Variants in ZNF341 observed in about 807,000 individuals in gnomAD.
ZNF341 encodes zinc finger protein 341.
ZNF341 carries 52 observed loss-of-function variants against 87.7 expected under a neutral mutation model. The ratio of observed to expected loss-of-function variants is 0.59; its 90% CI spans 0.47 to 0.75. The LOEUF is 0.75. Among genes scored for constraint, ZNF341 ranks in the 30% least tolerant of loss-of-function variants. ZNF341 has a pLI of 0.00. For synonymous variants in ZNF341, 459 were observed against 472.7 expected (o/e 0.97, Z 0.38); for missense variants, 977 against 1,145.9 (o/e 0.85, Z 2.13).
chr20:33,753,096 G>T (rs866200533), intron 4 of ZNF341, 76 bp from the exon 5 acceptor site: 3 of 1,599,178 alleles, frequency 1.9e-6, no homozygotes, highest in Middle Eastern at 2.3e-4. Flanking sequence ...GCTGGCTAAA[G>T]CAAATGTCCT....
At chr20:33,784,455 C>G (rs1450589248) in intron 12 of ZNF341, among the ~76,000 whole-genome samples, 1 of 81,330 alleles carries the variant, frequency 1.2e-5, no homozygotes, top group Non-Finnish European at 2.5e-5. Flanking sequence ...CTCTCTGTCG[C>G]TGTCTGTCTC....
chr20:33,764,101 T>C (rs948623807), intron 8 of ZNF341, among the ~76,000 whole-genome samples: 3 of 148,442 alleles, frequency 2.0e-5, no homozygotes, highest in African/African-American at 7.4e-5. Context: ...CTCAGCTCAC[T>C]GCAAGCTCCG....
In ZNF341 at chr20:33,757,138, GTCC is replaced by G; in HGVS notation, c.742-5_742-3del. On this transcript the variant is annotated splice_polypyrimidine_tract_variant and splice_region_variant and intron_variant, in intron 5 of 14. Coordinates refer to ENST00000375200, the MANE Select transcript of ZNF341 (RefSeq NM_001282933.2). Reference sequence around the variant, plus strand: ...GCAGGGCTTTTTCCCTGACTGTGTTGTCCTCCTAGGTGCCAAACCAGTGTGTGG... The same window carrying G: ...GCAGGGCTTTTTCCCTGACTGTGTTGTCCTAGGTGCCAAACCAGTGTGTGG... The G allele has an allele frequency of 7.2e-7, 1 of 1,395,942 alleles. No individual in the cohort carries two copies. The highest frequency in any genetic ancestry group is 9.4e-7 in the Non-Finnish European group (1 of 1,065,660). The allele number at this position is 1,395,942 out of a possible 1,614,324, so 86.5% of individuals were successfully genotyped here.
At position 33,788,963 on chromosome 20, in the gene ZNF341, A is replaced by C; in HGVS notation, c.1953A>C (p.Lys651Asn). The change falls in exon 13 of 15, where the codon AAA (lysine) becomes AAC (asparagine). Residue 651 changes from lysine (K) to asparagine (N), a missense_variant. Around this residue, in one of 3 missense-constraint regions of ZNF341, gnomAD observed 241 missense variants for 335.0 expected, o/e 0.72. Coordinates refer to ENST00000375200, the MANE Select transcript of ZNF341 (RefSeq NM_001282933.2). ...TCCACGAGCCCTTCAAGAAATACAAATGCCCTTTCTCGTGAGTAGAGACTG... is the reference window on the plus strand; with the variant it reads ...TCCACGAGCCCTTCAAGAAATACAACTGCCCTTTCTCGTGAGTAGAGACTG... ...MLIHEPFKKYKCPFSTHTGCS... is the reference protein window; with the variant it reads ...MLIHEPFKKYNCPFSTHTGCS... 2 of 1,610,574 alleles carry C rather than the reference A, an allele frequency of 1.2e-6. No individual in the cohort carries two copies. Among genetic ancestry groups the C allele is most frequent in the Non-Finnish European group, 1.7e-6 (2 of 1,178,102 alleles).
intron 1 of ZNF341, among the ~76,000 whole-genome samples, chr20:33,737,739 G>A (rs2122628437): frequency 6.6e-6 from 1 of 152,282 alleles, no homozygotes; most frequent in African/African-American, 2.4e-5. Context: ...GTCTGCTTCT[G>A]GGTGGGGCTG....
chr20:33,740,781 T>C, intron 1 of ZNF341, 121 bp from the exon 2 acceptor site: 2 of 769,844 alleles, frequency 2.6e-6, no homozygotes, highest in Non-Finnish European at 4.3e-6. Context: ...GTGCTGGGAT[T>C]ACAGGTCTGA....
rs57345366 is a variant in ZNF341, at chr20:33,772,010, TAA to T, written c.1622+1742_1622+1743del. ...GCCTGAGCGACAGAGACGCTTGTCT[TAA>T]AAAAAAAAAAAAAAAAAAAAAAAGA... On this transcript the variant is annotated intron_variant, in intron 10 of 14. Transcript: ENST00000375200. Among the ~76,000 whole-genome samples, 30 of 56,154 alleles carry T rather than the reference TAA, an allele frequency of 5.3e-4. 1 individual carries two copies. The highest frequency in any genetic ancestry group is 3.1e-3 in the East Asian group (4 of 1,282). 36.8% of individuals were successfully genotyped at this position (56,154 alleles called of 152,430 possible).
intron 7 of ZNF341, among the ~76,000 whole-genome samples, chr20:33,761,139 C>T (rs1042289446): frequency 3.3e-5 from 5 of 151,982 alleles, no homozygotes; most frequent in East Asian, 1.9e-4. Flanking sequence ...GAATTACATA[C>T]GTGAGCCACA....
At chr20:33,782,725 C>G (rs2019769324) in intron 11 of ZNF341, among the ~76,000 whole-genome samples, 1 of 152,194 alleles carries the variant, frequency 6.6e-6, no homozygotes, top group Non-Finnish European at 1.5e-5. Context: ...GGCTAATAAG[C>G]AGTGGGGCAG....
chr20:33,738,872 G>A (rs965591634), intron 1 of ZNF341, among the ~76,000 whole-genome samples: 8 of 152,208 alleles, frequency 5.3e-5, no homozygotes, highest in Non-Finnish European at 7.4e-5. Context: ...GGAGGGGAGG[G>A]CTGCGCTGGC....
chr20:33,776,668 G>A (rs1030815110), intron 10 of ZNF341, among the ~76,000 whole-genome samples: 2 of 152,152 alleles, frequency 1.3e-5, no homozygotes, highest in African/African-American at 4.8e-5. Context: ...TTATAGGCGT[G>A]AGCCACACAC....
rs150263354 is a variant in ZNF341, at chr20:33,760,301, G to A, written c.1028+1495G>A. On this transcript the variant is annotated intron_variant, in intron 7 of 14. Transcript: ENST00000375200. ...GCTTGTAGTCCCAGCTACTCTGGAG[G>A]CTGAGACAGGAGAATCCCTTGAACC... Among the ~76,000 whole-genome samples, 607 of 152,212 alleles carry A rather than the reference G, an allele frequency of 4.0e-3. 3 individuals are homozygous for A. The highest frequency in any genetic ancestry group is 6.8e-3 in the Middle Eastern group (2 of 294).
At chr20:33,736,477 A>G (rs2018687295) in intron 1 of ZNF341, among the ~76,000 whole-genome samples, 1 of 152,122 alleles carries the variant, frequency 6.6e-6, no homozygotes, top group African/African-American at 2.4e-5. Context: ...AAAGACCACC[A>G]GGTTTTCACC....
intron 3 of ZNF341, among the ~76,000 whole-genome samples, chr20:33,745,889 G>A (rs1408877949): frequency 2.0e-5 from 3 of 151,830 alleles, no homozygotes. Context: ...TGCTAGGAGA[G>A]GCAGCAGGAG....
At chr20:33,737,435 C>T (rs2018714014) in intron 1 of ZNF341, among the ~76,000 whole-genome samples, 1 of 152,214 alleles carries the variant, frequency 6.6e-6, no homozygotes, top group African/African-American at 2.4e-5. Flanking sequence ...CATTCTCCTG[C>T]CTCAGCCTCC....
chr20:33,777,868 G>A (rs1326056904), intron 10 of ZNF341, among the ~76,000 whole-genome samples: 3 of 151,886 alleles, frequency 2.0e-5, no homozygotes, highest in Non-Finnish European at 4.4e-5. Context: ...CTTTGTCTTC[G>A]AGACCTTGAT....
At chr20:33,770,925 C>A (rs2019518860) in intron 10 of ZNF341, among the ~76,000 whole-genome samples, 1 of 151,976 alleles carries the variant, frequency 6.6e-6, no homozygotes, top group South Asian at 2.1e-4. Context: ...TGGAGACCAT[C>A]CTGGCTAACA....
In ZNF341 at chr20:33,791,606, G is replaced by A. The variant is rs2020037125; in HGVS notation, c.*89G>A. The A allele has an allele frequency of 1.5e-6, 2 of 1,363,888 alleles. No individual in the cohort carries two copies. The highest frequency in any genetic ancestry group is 1.9e-6 in the Non-Finnish European group (2 of 1,036,824). The allele number at this position is 1,363,888 out of a possible 1,614,324, so 84.5% of individuals were successfully genotyped here. On this transcript the variant is annotated 3_prime_UTR_variant, in exon 15 of 15. Transcript: ENST00000375200. ...GGGCAGACCGGTGATCCTTACCAGT[G>A]GAAGCGAGCCATCGAGCCATTGGCA...
At chr20:33,738,030 G>A (rs34921110) in intron 1 of ZNF341, among the ~76,000 whole-genome samples, 22 of 151,802 alleles carry the variant, frequency 1.4e-4, no homozygotes, top group Non-Finnish European at 2.9e-4. Context: ...CCAGCTACTC[G>A]GGAGGCTGAG....
Sources: allele counts gnomAD v4.1 joint callset (sites outside exome capture counted in the v4.1 genomes callset), GRCh38; gene constraint gnomAD v4.1.1; regional missense constraint gnomAD v4.1.1; transcripts MANE v1.5; gene names NCBI Gene and HGNC (gene_info 2026-07-23, HGNC 2026-07-21).